Variants in AK5 observed in about 807,000 individuals in gnomAD.
AK5 encodes adenylate kinase isoenzyme 5.
In AK5, 27 loss-of-function variants were observed where a neutral mutation model predicts 69.5. The ratio of observed to expected loss-of-function variants is 0.39; its 90% confidence interval spans 0.29 to 0.54. The LOEUF is 0.54. Ranked by LOEUF, AK5 falls within the 20% of genes least tolerant of loss-of-function variation. The pLI is 0.71. For missense variants in AK5, 531 were observed against 700.4 expected, an observed-to-expected ratio of 0.76 and a Z score of 2.73; for synonymous variants, 260 against 244.4, an observed-to-expected ratio of 1.06 and a Z score of -0.60.
At position 77,483,326 on chromosome 1, in the gene AK5, C is replaced by A; in HGVS notation, c.1069C>A (p.Gln357Lys). 1 of 1,611,772 alleles carries A rather than the reference C, an allele frequency of 6.2e-7. No individual in the cohort carries two copies. Among genetic ancestry groups the A allele is most frequent in the Non-Finnish European group, 8.5e-7 (1 of 1,178,024 alleles). The change falls in exon 9 of 14, where the codon CAG becomes AAG. Residue 357 changes from glutamine (Q) to lysine (K), a missense_variant. Physicochemically the swap from Gln to Lys is moderately conservative, Grantham distance 53 (BLOSUM62 1). Coordinates refer to ENST00000354567, the MANE Select transcript of AK5 (RefSeq NM_174858.3). The stretch of plus-strand genomic sequence containing the variant: ...GTGATTTTTTTAACAGGGTGATGAC[C>A]AGTTAAATGTATTTGGAGAGGACAC... ...GSDYEDQGDD[Q>K]LNVFGEDTMG...
At chr1:77,367,615 A>ATGTTATATATATGTTATATATATGT (rs1557533000) in intron 6 of AK5, among the ~76,000 whole-genome samples, 2 of 91,230 alleles carry the variant, frequency 2.2e-5, no homozygotes, top group Non-Finnish European at 4.0e-5. Context: ...TATGTAATAT[A>ATGTTATATATATGTTATATATATGT]TATGTTATAT....
chr1:77,293,517 G>A (rs1348301193), intron 2 of AK5: 2 of 242,256 alleles, frequency 8.3e-6, no homozygotes, highest in Non-Finnish European at 7.8e-6. Flanking sequence ...AAGTTTTATT[G>A]GAACACAGGC....
Position 77,412,540 on chromosome 1 carries a change from T to G in AK5, c.982+1469T>G, listed in dbSNP as rs192613325. On this transcript the variant is annotated intron_variant, in intron 7 of 13. Coordinates refer to ENST00000354567, the MANE Select transcript of AK5 (RefSeq NM_174858.3). Reference sequence around the variant, plus strand: ...CCTAGGTGAATAAAGTGCAGTAAACTAGAAGTAAATGGTGCCTCCCCTGCA... The same window carrying G: ...CCTAGGTGAATAAAGTGCAGTAAACGAGAAGTAAATGGTGCCTCCCCTGCA... Among the ~76,000 whole-genome samples the G allele has an allele frequency of 1.2e-4, 19 of 152,304 alleles. 1 individual carries two copies. The East Asian group carries it at 3.5e-3, about 28-fold the overall frequency.
At chr1:77,380,041 G>A (rs139924299) in intron 6 of AK5, among the ~76,000 whole-genome samples, 1 of 152,330 alleles carries the variant, frequency 6.6e-6, no homozygotes, top group African/African-American at 2.4e-5. Flanking sequence ...TGAGCCCACA[G>A]AGTAAAGAAT....
chr1:77,321,297 C>A (rs1253548391), intron 5 of AK5, among the ~76,000 whole-genome samples: 1 of 152,006 alleles, frequency 6.6e-6, no homozygotes, highest in East Asian at 1.9e-4. Context: ...CACGGTGAAA[C>A]CCCATCTCTA....
chr1:77,506,058 G>T (rs1483622782), intron 10 of AK5, among the ~76,000 whole-genome samples: 1 of 152,118 alleles, frequency 6.6e-6, no homozygotes, highest in Non-Finnish European at 1.5e-5. Flanking sequence ...CTAGAACAAT[G>T]AATTCCAAGA....
At chr1:77,376,451 C>CAAAAAAAAAAAAA (rs762576175) in intron 6 of AK5, among the ~76,000 whole-genome samples, 522 of 41,014 alleles carry the variant, frequency 0.013, 28 homozygotes, top group African/African-American at 0.045. Flanking sequence ...AAAAAAAAAA[C>CAAAAAAAAAAAAA]AAAAAAAAAA....
At chr1:77,318,363 A>C (rs1050166132) in intron 5 of AK5, among the ~76,000 whole-genome samples, 21 of 152,272 alleles carry the variant, frequency 1.4e-4, no homozygotes, top group Middle Eastern at 6.8e-3. Flanking sequence ...ATTCATGAGA[A>C]CTTTGCCCCC....
intron 10 of AK5, among the ~76,000 whole-genome samples, chr1:77,514,443 A>G (rs1008150910): frequency 2.6e-5 from 4 of 152,342 alleles, no homozygotes; most frequent in East Asian, 3.9e-4. Flanking sequence ...TTTAAAAGTC[A>G]TAAGTTAAGA....
intron 10 of AK5, among the ~76,000 whole-genome samples, chr1:77,498,823 T>C (rs185574041): frequency 1.3e-5 from 2 of 152,232 alleles, no homozygotes; most frequent in Admixed American, 1.3e-4. Context: ...AGTTTAGAGG[T>C]TAAATTCCTG....
chr1:77,305,359 C>G (rs1570347937), intron 5 of AK5, among the ~76,000 whole-genome samples: 1 of 151,994 alleles, frequency 6.6e-6, no homozygotes, highest in Admixed American at 6.6e-5. Flanking sequence ...ATTTGTCCAT[C>G]TTTTCTTTGG....
chr1:77,340,067 A>G (rs541850388), intron 5 of AK5, among the ~76,000 whole-genome samples: 2 of 152,328 alleles, frequency 1.3e-5, no homozygotes, highest in Admixed American at 6.5e-5. Context: ...CAAGTTGCAT[A>G]TATAATATTT....
chr1:77,511,008 T>C (rs930412426), intron 10 of AK5, among the ~76,000 whole-genome samples: 6 of 149,546 alleles, frequency 4.0e-5, no homozygotes, highest in African/African-American at 7.3e-5. Flanking sequence ...TATATATTTC[T>C]ATTTTATTTA....
intron 8 of AK5, among the ~76,000 whole-genome samples, chr1:77,448,142 G>A (rs1449006685): frequency 1.3e-5 from 2 of 152,176 alleles, no homozygotes; most frequent in Non-Finnish European, 1.5e-5. Context: ...AAAAAGACAT[G>A]CCCTTGGGTG....
At chr1:77,499,869 CATTTT>C (rs1230729082) in intron 10 of AK5, among the ~76,000 whole-genome samples, 8,575 of 78,258 alleles carry the variant, frequency 0.11, 1,236 homozygotes, top group South Asian at 0.24. Context: ...GCCCTTTTTC[CATTTT>C]TTTTTTTTTT....
intron 6 of AK5, among the ~76,000 whole-genome samples, chr1:77,350,492 G>A (rs1311867192): frequency 6.6e-6 from 1 of 152,202 alleles, no homozygotes; most frequent in African/African-American, 2.4e-5. Context: ...TTGGAGCATG[G>A]GAGTGACACA....
intron 6 of AK5, among the ~76,000 whole-genome samples, chr1:77,350,328 G>C (rs1662127638): frequency 6.6e-6 from 1 of 152,164 alleles, no homozygotes; most frequent in African/African-American, 2.4e-5. Flanking sequence ...CCCAGAAATA[G>C]GAAAGAAGGT....
chr1:77,312,197 C>T (rs1456705626), intron 5 of AK5, among the ~76,000 whole-genome samples: 9 of 152,040 alleles, frequency 5.9e-5, no homozygotes, highest in East Asian at 1.9e-4. Flanking sequence ...TTGACAATCC[C>T]GTCTCTAAAT....
At chr1:77,556,473 C>T (rs1325514923) in intron 13 of AK5, among the ~76,000 whole-genome samples, 2 of 152,102 alleles carry the variant, frequency 1.3e-5, no homozygotes, top group African/African-American at 4.8e-5. Context: ...AGCTGTGGTT[C>T]TTTTTCTTTT....
Sources: gnomAD v4.1 joint callset for allele counts (sites outside exome capture counted in the v4.1 genomes callset) on GRCh38, gnomAD v4.1.1 for gene constraint, MANE v1.5 for transcripts, NCBI Gene and HGNC (gene_info 2026-07-23, HGNC 2026-07-21) for gene names.